The following TTN variants were observed in gnomAD, a reference collection of about 807,000 sequenced individuals.
TTN encodes the protein titin.
TTN carries 1,525 observed loss-of-function variants against 3,223.0 expected under a neutral mutation model. The ratio of observed to expected loss-of-function variants is 0.47; its 90% CI spans 0.45 to 0.49. The LOEUF is 0.49. Among genes scored for constraint, TTN ranks in the 20% least tolerant of loss-of-function variants. The probability of loss-of-function intolerance (pLI) is 0.00; values close to 1 mark genes in which losing one functional copy is unlikely to be tolerated. For missense variants in TTN, 40,786 were observed against 43,424.0 expected (o/e 0.94, Z 5.40); for synonymous variants, 14,094 against 15,161.0 (o/e 0.93, Z 5.17).
chr2:178,604,279 C>G lies in TTN; in HGVS notation c.54408G>C (p.Gln18136His). Residue 18136 changes from glutamine to histidine, a missense_variant, in exon 282 of 363, where the codon CAG becomes CAC. Transcript: ENST00000589042. ...YGIWKLIPNG[Q>H]YEFRVRAVNK... ...TCACTGCCCTGACTCGGAACTCATACTGACCATTGGGGATAAGTTTCCAGA... is the reference window on the plus strand; with the variant it reads ...TCACTGCCCTGACTCGGAACTCATAGTGACCATTGGGGATAAGTTTCCAGA... The G allele has an allele frequency of 6.6e-7, 1 of 1,517,620 alleles. No individual in the cohort carries two copies. The allele number at this position is 1,517,620 out of a possible 1,614,324, so 94.0% of individuals were successfully genotyped here.
At position 178,710,816 on chromosome 2, in the gene TTN, C is replaced by T. The variant is rs1207669528; in HGVS notation, c.28281G>A (p.Lys9427=). 6.2e-7 allele frequency: 1 copy of T among 1,613,880 alleles called. No homozygotes were observed. Among genetic ancestry groups the T allele is most frequent in the Non-Finnish European group, 8.5e-7 (1 of 1,179,834 alleles). The change falls in exon 98 of 363, where the codon AAG becomes AAA. Residue 9427 remains lysine, a synonymous_variant. Coordinates refer to ENST00000589042, the MANE Select transcript of TTN (RefSeq NM_001267550.2). ...CTCTGCTGTCTTTGGCCCAGCTGAC[C>T]TTTATCGGTTGTGTGCCCGTGACGT... The part of the protein sequence containing the change: ...ECHVTGTQPI[K]VSWAKDSREI...
At position 178,680,268 on chromosome 2, in the gene TTN, G is replaced by T. The variant is rs577901623; in HGVS notation, c.33404C>A (p.Ala11135Glu). ...EKVPVPRKEVAPPVRVPEVPK... is the reference protein window; with the variant it reads ...EKVPVPRKEVEPPVRVPEVPK... Reference sequence around the variant, plus strand: ...CCATTAGGTACCTCTAACAGGTGGTGCTACTTCTTTTCTAGGGACAGGTAC... The same window carrying T: ...CCATTAGGTACCTCTAACAGGTGGTTCTACTTCTTTTCTAGGGACAGGTAC... Residue 11135 changes from alanine to glutamate, a missense_variant, in exon 139 of 363, where the codon GCA (alanine) becomes GAA (glutamate). Physicochemically the swap from Ala to Glu is moderately radical, Grantham distance 107. Coordinates refer to ENST00000589042, the MANE Select transcript of TTN (RefSeq NM_001267550.2). 8.6e-5 allele frequency: 138 copies of T among 1,611,986 alleles called. 1 individual carries two copies. In the South Asian group the frequency reaches 1.4e-3, roughly 17 times the overall value.
chr2:178,736,240 G>A (rs2081415070), intron 49 of TTN, among the ~76,000 whole-genome samples, 166 bp from the exon 50 acceptor site: 1 of 152,166 alleles, frequency 6.6e-6, no homozygotes, highest in African/African-American at 2.4e-5. Flanking sequence ...TCAAAGGAAA[G>A]GGATGAGAGT....
In TTN at chr2:178,579,547, G is replaced by A. The variant is rs770003464; in HGVS notation, c.67636+14C>T. On this transcript the variant is annotated intron_variant, in intron 319 of 362. Coordinates refer to ENST00000589042, the MANE Select transcript of TTN (RefSeq NM_001267550.2). ...CAATAAAGGAAAAATGAAGATGTGT[G>A]CATAGAGCCTTACCAACATCATCCC... is the stretch of plus-strand genomic sequence containing the variant. The A allele has an allele frequency of 6.2e-7, 1 of 1,612,354 alleles. No individual in the cohort carries two copies. Among genetic ancestry groups the A allele is most frequent in the Non-Finnish European group, 8.5e-7 (1 of 1,179,394 alleles).
chr2:178,771,416 A>G lies in TTN; in HGVS notation c.7911T>C (p.Ala2637=). ...GGTTGGCAACTTCACATTCAAACAC[A>G]GCTTCCTGGGATTCAGCTACGGTCT... The part of the protein sequence containing the change: ...TDQTVAESQE[A]VFECEVANPD... The change falls in exon 34 of 363, where the codon GCT becomes GCC. Residue 2637 remains alanine, a synonymous_variant. Transcript: ENST00000589042. 6.2e-7 allele frequency: 1 copy of G among 1,613,996 alleles called. No individual in the cohort carries two copies. Among genetic ancestry groups the G allele is most frequent in the South Asian group, 1.1e-5 (1 of 91,088 alleles).
Position 178,532,688 on chromosome 2 carries a change from CAGG to C in TTN, c.103924_103926del (p.Pro34642del), listed in dbSNP as rs771366227. ...CTAGGTCGGTAGTAAAAGTCATAAT[CAGG>C]AGAAGGTGTACGCCGGCGGGCTGGT... is the stretch of plus-strand genomic sequence containing the variant. On this transcript the variant is annotated inframe_deletion, in exon 358 of 363. Coordinates refer to ENST00000589042, the MANE Select transcript of TTN (RefSeq NM_001267550.2). The C allele has an allele frequency of 4.5e-5, 73 of 1,613,956 alleles. No individual in the cohort carries two copies. Among genetic ancestry groups the C allele is most frequent in the Non-Finnish European group, 5.9e-5 (70 of 1,179,864 alleles).
chr2:178,776,905 C>T lies in TTN; in HGVS notation c.4959G>A (p.Glu1653=), dbSNP rs1267248995. 6.2e-7 allele frequency: 1 copy of T among 1,613,204 alleles called. No individual in the cohort carries two copies. The highest frequency in any genetic ancestry group is 2.2e-5 in the East Asian group (1 of 44,848). ...TGATTAACTTTCTCTCTGGCTCAGG[C>T]TCTGCAAACTCAACTTCAACATTTA... ...CKVNVEVEFA[E]PEPERKLIIP... Residue 1653 remains glutamate (E), a synonymous_variant, in exon 28 of 363, where the codon GAG becomes GAA. Transcript: ENST00000589042.
In TTN at chr2:178,601,353, T is replaced by C. The variant is rs757123857; in HGVS notation, c.55644A>G (p.Gln18548=). 1.2e-6 allele frequency: 2 copies of C among 1,612,268 alleles called. No individual in the cohort carries two copies. Among genetic ancestry groups the C allele is most frequent in the East Asian group, 4.5e-5 (2 of 44,624 alleles). Residue 18548 remains glutamine (Q), a synonymous_variant, in exon 287 of 363, where the codon CAA becomes CAG. Transcript: ENST00000589042. ...FVVPDLLSEQ[Q]YFFRVRAENR... ...TTTCTGCTCGCACACGGAAGAAATA[T>C]TGCTGTTCAGAGAGGAGATCAGGCA...
At chr2:178,646,650 G>A in intron 215 of TTN, 91 bp from the exon 216 acceptor site, 1 of 704,620 alleles carries the variant, frequency 1.4e-6, no homozygotes. Flanking sequence ...AAAGATTACA[G>A]TCACAAAATA....
At chr2:178,553,421 C>G (rs1700135214) in intron 334 of TTN, 25 bp from the exon 335 acceptor site, 1 of 1,573,680 alleles carries the variant, frequency 6.4e-7, no homozygotes, top group Non-Finnish European at 8.6e-7. Flanking sequence ...TGGATACATA[C>G]AGTGAATTTT....
rs761445567 is a variant in TTN at position 178,773,195 on chromosome 2, G to A, written c.7769C>T (p.Thr2590Ile). ...IEAHGKIYKL[T>I]VLNMMKDDEG... ...ATCATCTTTCATCATATTTAGAACT[G>A]TCAATTTATATATTTTTCCATGTGC... The change falls in exon 33 of 363, where the codon ACA becomes ATA. Residue 2590 changes from threonine to isoleucine, a missense_variant. Physicochemically the swap from Thr to Ile is moderately conservative, Grantham distance 89. Coordinates refer to ENST00000589042, the MANE Select transcript of TTN (RefSeq NM_001267550.2). 10 of 1,613,528 alleles carry A rather than the reference G, an allele frequency of 6.2e-6. No homozygotes were observed. The highest frequency in any genetic ancestry group is 1.3e-5 in the African/African-American group (1 of 74,858).
intron 117 of TTN, among the ~76,000 whole-genome samples, chr2:178,694,274 T>C (rs2073155965): frequency 6.6e-6 from 1 of 152,118 alleles, no homozygotes; most frequent in African/African-American, 2.4e-5. Context: ...TCCAAATCTG[T>C]TAGGGTCTAT....
Position 178,526,801 on chromosome 2 carries a change from T to C in TTN, c.*211A>G. 1 of 459,666 alleles carries C rather than the reference T, an allele frequency of 2.2e-6. No homozygotes were observed. The highest frequency in any genetic ancestry group is 3.8e-6 in the Non-Finnish European group (1 of 261,686). 28.5% of individuals were successfully genotyped at this position (459,666 alleles called of 1,614,324 possible). A position where few individuals can be genotyped will look rare whatever the true frequency, so the allele number is the denominator to read the frequency against. ...CTTTATAACCGTTAATCCGGCTATA[T>C]ACAGTATGTACATGTCACTAGCAAA... is the stretch of plus-strand genomic sequence containing the variant. On this transcript the variant is annotated 3_prime_UTR_variant, in exon 363 of 363. Coordinates refer to ENST00000589042, the MANE Select transcript of TTN (RefSeq NM_001267550.2).
rs767881914 is a variant in TTN, at chr2:178,577,517, A to T, written c.68825-7T>A. On this transcript the variant is annotated splice_polypyrimidine_tract_variant and splice_region_variant and intron_variant, in intron 323 of 362. Transcript: ENST00000589042. ...AGGACAATTGTTGGTGCCTCTGCAA[A>T]GAAAAAAATACATTTTAATCAGAAA... 9.0e-6 allele frequency: 14 copies of T among 1,560,638 alleles called. No individual in the cohort carries two copies. Among genetic ancestry groups the T allele is most frequent in the Middle Eastern group, 1.7e-4 (1 of 5,806 alleles).
chr2:178,794,247 G>T, intron 8 of TTN, 152 bp downstream of exon 8: 1 of 1,185,168 alleles, frequency 8.4e-7, no homozygotes, highest in Non-Finnish European at 1.2e-6. Context: ...CTTTTGCTCA[G>T]AAAGTTCTAA....
chr2:178,549,817 C>T lies in TTN; in HGVS notation c.91905G>A (p.Glu30635=). 1.2e-6 allele frequency: 2 copies of T among 1,604,414 alleles called. No homozygotes were observed. Among genetic ancestry groups the T allele is most frequent in the Admixed American group, 1.7e-5 (1 of 59,562 alleles). Residue 30635 remains glutamate, a synonymous_variant, in exon 338 of 363, where the codon GAG becomes GAA. Transcript: ENST00000589042. The stretch of plus-strand genomic sequence containing the variant: ...GGGCATCCCACCACAGAGTCATCTT[C>T]TCCCCAGTAATATTGGTGAATCTTA... ...GPIRFTNITG[E]KMTLWWDAPL...
Position 178,552,833 on chromosome 2 carries a change from C to T in TTN, c.90067G>A (p.Glu30023Lys). The change falls in exon 335 of 363, where the codon GAG (glutamate) becomes AAG (lysine). Residue 30023 changes from glutamate (E) to lysine (K), a missense_variant. By Grantham distance (56) the Glu-to-Lys change is moderately conservative. Transcript: ENST00000589042. ...IGIGEPCETT[E>K]PVKAAEVPAP... ...GGTACTTCAGCAGCCTTCACTGGCT[C>T]TGTAGTTTCACAGGGTTCCCCAATT... 6.2e-7 allele frequency: 1 copy of T among 1,613,842 alleles called. No homozygotes were observed. Among genetic ancestry groups the T allele is most frequent in the African/African-American group, 1.3e-5 (1 of 75,062 alleles).
chr2:178,725,924 G>T lies in TTN; in HGVS notation c.20398C>A (p.Gln6800Lys), dbSNP rs1345237907. 1 of 1,612,972 alleles carries T rather than the reference G, an allele frequency of 6.2e-7. No individual in the cohort carries two copies. Among genetic ancestry groups the T allele is most frequent in the Non-Finnish European group, 8.5e-7 (1 of 1,179,400 alleles). ...TTGTATTTCTTGCTGCTTCTGAGTTGCCGCTTGTCTTTGTACCATACCACC... is the reference window on the plus strand; with the variant it reads ...TTGTATTTCTTGCTGCTTCTGAGTTTCCGCTTGTCTTTGTACCATACCACC... Reference protein sequence around the residue: ...FEVVWYKDKRQLRSSKKYKIA... With the variant: ...FEVVWYKDKRKLRSSKKYKIA... Residue 6800 changes from glutamine to lysine, a missense_variant, in exon 70 of 363, where the codon CAA (glutamine) becomes AAA (lysine). Physicochemically the swap from Gln to Lys is moderately conservative, Grantham distance 53. Coordinates refer to ENST00000589042, the MANE Select transcript of TTN (RefSeq NM_001267550.2).
Position 178,609,458 on chromosome 2 carries a change from A to G in TTN, c.51852T>C (p.Asp17284=), listed in dbSNP as rs774786113. 1.9e-6 allele frequency: 3 copies of G among 1,612,294 alleles called. No homozygotes were observed. In the African/African-American group the frequency reaches 4.0e-5, roughly 22 times the overall value. ...SPYPTITWIK[D]ENVIVPEEIK... Reference sequence around the variant, plus strand: ...TTTCCTCTGGTACAATAACATTTTCATCCTTTATCCATGTAATAGTTGGGT... The same window carrying G: ...TTTCCTCTGGTACAATAACATTTTCGTCCTTTATCCATGTAATAGTTGGGT... The change falls in exon 273 of 363, where the codon GAT becomes GAC. Residue 17284 remains aspartate, a synonymous_variant. Coordinates refer to ENST00000589042, the MANE Select transcript of TTN (RefSeq NM_001267550.2).
Sources: gnomAD v4.1 joint callset for allele counts (sites outside exome capture counted in the v4.1 genomes callset) on GRCh38, gnomAD v4.1.1 for gene constraint, MANE v1.5 for transcripts, NCBI Gene and HGNC (gene_info 2026-07-23, HGNC 2026-07-21) for gene names.